ZBBX: variants seen among roughly 807,000 people sequenced by gnomAD.
ZBBX encodes zinc finger B-box domain containing.
A neutral mutation model predicts 108.5 loss-of-function variants in ZBBX; 101 were observed. The ratio of observed to expected loss-of-function variants is 0.93; its 90% CI spans 0.79 to 1.10. The LOEUF (loss-of-function observed/expected upper bound fraction) is 1.10, where lower values mean the gene tolerates loss of function less well. Ranked by LOEUF, ZBBX falls within the 50% of genes least tolerant of loss-of-function variation. The probability of loss-of-function intolerance (pLI) is 0.00; values close to 1 mark genes in which losing one functional copy is unlikely to be tolerated. For missense variants in ZBBX, 1,009 were observed against 941.4 expected (o/e 1.07, Z -0.94); for synonymous variants, 356 against 323.4 (o/e 1.10, Z -1.08).
At chr3:167,178,617 G>A in the ZBBX span, among the ~76,000 whole-genome samples, 7 of 152,134 alleles carry the variant, frequency 4.6e-5, no homozygotes, top group Non-Finnish European at 1.0e-4. Context: ...GGATTCAGAT[G>A]TCTCAACGGC....
intron 11 of ZBBX, among the ~76,000 whole-genome samples, chr3:167,325,295 G>A (rs1465797009): frequency 6.6e-6 from 1 of 152,060 alleles, no homozygotes; most frequent in East Asian, 1.9e-4. Flanking sequence ...ACATGGCTGG[G>A]GAGGCCTCAT....
chr3:167,250,833 A>G (rs760304164), intron 20 of ZBBX, among the ~76,000 whole-genome samples: 5 of 152,150 alleles, frequency 3.3e-5, no homozygotes, highest in Non-Finnish European at 7.3e-5. Flanking sequence ...CTAGGTGACA[A>G]CAGGCACTCC....
chr3:167,261,467 G>C lies in ZBBX; in HGVS notation c.2255-18824C>G, dbSNP rs542919979. ...CCATCAGGTGGGGGTGGGGCTAGGC[G>C]TGTCTGAGCTCAGACTGTCCTTGGG... is the stretch of plus-strand genomic sequence containing the variant. On this transcript the variant is annotated intron_variant, in intron 20 of 21. Transcript: ENST00000675490. Among the ~76,000 whole-genome samples, 70 of 151,294 alleles carry C rather than the reference G, an allele frequency of 4.6e-4. 1 individual carries two copies. Among genetic ancestry groups the C allele is most frequent in the African/African-American group, 1.6e-3 (67 of 41,246 alleles).
intron 20 of ZBBX, among the ~76,000 whole-genome samples, chr3:167,266,785 A>C (rs2108448940): frequency 6.6e-6 from 1 of 152,254 alleles, no homozygotes; most frequent in South Asian, 2.1e-4. Flanking sequence ...GTTTCTTTTG[A>C]GGCATCGGAA....
intron 17 of ZBBX, among the ~76,000 whole-genome samples, chr3:167,300,748 G>C (rs1351496805): frequency 6.6e-6 from 1 of 151,542 alleles, no homozygotes; most frequent in African/African-American, 2.4e-5. Context: ...TAGTTGGGTA[G>C]TTGGGATTAC....
chr3:167,244,296 G>T (rs1721189507), intron 20 of ZBBX, among the ~76,000 whole-genome samples: 2 of 152,078 alleles, frequency 1.3e-5, no homozygotes, highest in African/African-American at 4.8e-5. Context: ...AAGACCCAAG[G>T]CACCTTTACA....
At chr3:167,280,871 T>C (rs1254352319) in intron 20 of ZBBX, among the ~76,000 whole-genome samples, 1 of 152,080 alleles carries the variant, frequency 6.6e-6, no homozygotes, top group East Asian at 1.9e-4. Flanking sequence ...CCAACAATGA[T>C]AGACTGGATT....
At chr3:167,370,132 G>A (rs1161428576) in intron 4 of ZBBX, among the ~76,000 whole-genome samples, 2 of 152,114 alleles carry the variant, frequency 1.3e-5, no homozygotes, top group Non-Finnish European at 2.9e-5. Context: ...ATCAATTAGA[G>A]GGTGCAAGGC....
At chr3:167,215,117 C>A in the ZBBX span, among the ~76,000 whole-genome samples, 1 of 151,160 alleles carries the variant, frequency 6.6e-6, no homozygotes, top group Non-Finnish European at 1.5e-5. Flanking sequence ...TAGCAGAAGA[C>A]AAGAAATAAC....
chr3:167,399,127 A>G (rs1329874581), intron 1 of ZBBX, among the ~76,000 whole-genome samples: 1 of 150,552 alleles, frequency 6.6e-6, no homozygotes, highest in Non-Finnish European at 1.5e-5. Flanking sequence ...ATTTAGTAAG[A>G]AAAAAAAAAT....
At chr3:167,300,287 T>A (rs1732411544) in intron 17 of ZBBX, among the ~76,000 whole-genome samples, 2 of 152,086 alleles carry the variant, frequency 1.3e-5, no homozygotes. Context: ...ATATCCCCCA[T>A]GAGGAAAAGG....
At chr3:167,320,083 C>A (rs1396046448) in intron 12 of ZBBX, among the ~76,000 whole-genome samples, 9 of 151,380 alleles carry the variant, frequency 5.9e-5, no homozygotes, top group Admixed American at 5.3e-4. Flanking sequence ...ATTGTGGCAC[C>A]AGAATAGTAA....
intron 18 of ZBBX, among the ~76,000 whole-genome samples, chr3:167,295,911 A>G (rs1731624233): frequency 6.6e-6 from 1 of 151,292 alleles, no homozygotes; most frequent in Non-Finnish European, 1.5e-5. Flanking sequence ...GAGGAGGGAC[A>G]TCAACTCGTT....
At chr3:167,273,926 G>A (rs769171848) in intron 20 of ZBBX, among the ~76,000 whole-genome samples, 2 of 152,152 alleles carry the variant, frequency 1.3e-5, no homozygotes, top group Non-Finnish European at 2.9e-5. Flanking sequence ...TAATAAAAAT[G>A]TAGATTGGAT....
At position 167,374,824 on chromosome 3, in the gene ZBBX, T is replaced by G. The variant is rs372731257; in HGVS notation, c.-131-1037A>C. Among the ~76,000 whole-genome samples the G allele has an allele frequency of 2.8e-4, 43 of 152,240 alleles. No homozygotes were observed. In the East Asian group the frequency reaches 5.2e-3, roughly 18 times the overall value. On this transcript the variant is annotated intron_variant, in intron 2 of 21. Transcript: ENST00000675490. ...AGAATTCAGCTGGCTAGCATTTAAG[T>G]AAAGCTTTGAAGGAGAAAGGAGGCT...
the ZBBX span, among the ~76,000 whole-genome samples, chr3:167,188,493 GATAA>G: frequency 5.3e-5 from 8 of 151,686 alleles, no homozygotes; most frequent in Non-Finnish European, 1.0e-4. Flanking sequence ...AATCTTAAAG[GATAA>G]ATAAATATTA....
At chr3:167,374,993 C>T (rs1047801892) in intron 2 of ZBBX, among the ~76,000 whole-genome samples, 3 of 152,118 alleles carry the variant, frequency 2.0e-5, no homozygotes, top group African/African-American at 4.8e-5. Flanking sequence ...GATATAGTGG[C>T]TGAGGCCCAA....
intron 18 of ZBBX, among the ~76,000 whole-genome samples, chr3:167,295,066 A>T (rs1016994322): frequency 6.6e-6 from 1 of 152,222 alleles, no homozygotes; most frequent in Non-Finnish European, 1.5e-5. Context: ...GGATGTGGAG[A>T]AAGAGGAATC....
At chr3:167,249,908 A>G (rs4461420) in intron 20 of ZBBX, among the ~76,000 whole-genome samples, 143,780 of 152,234 alleles carry the variant, frequency 0.94, 67,946 homozygotes, top group African/African-American at 0.98. Flanking sequence ...ACTGGAAAAG[A>G]AGACACTTTC....
Sources: allele counts gnomAD v4.1 joint callset (sites outside exome capture counted in the v4.1 genomes callset), GRCh38; gene constraint gnomAD v4.1.1; transcripts MANE v1.5; gene names NCBI Gene and HGNC (gene_info 2026-07-23, HGNC 2026-07-21).